Variants in EVL observed in about 807,000 individuals in gnomAD.
EVL encodes the protein Enah/Vasp-like.
In EVL, 21 loss-of-function variants were observed where a neutral mutation model predicts 59.6. The ratio of observed to expected loss-of-function variants is 0.35; its 90% CI spans 0.25 to 0.51. EVL has a LOEUF of 0.51. Ranked by LOEUF, EVL falls within the 20% of genes least tolerant of loss-of-function variation. The probability of loss-of-function intolerance (pLI) is 0.97; values close to 1 mark genes in which losing one functional copy is unlikely to be tolerated. For missense variants in EVL, 462 were observed against 546.6 expected, an observed-to-expected ratio of 0.85 and a Z score of 1.54; for synonymous variants, 198 against 203.5, an observed-to-expected ratio of 0.97 and a Z score of 0.23.
At chr14:100,027,735 C>T (rs1454706596) in intron 1 of EVL, among the ~76,000 whole-genome samples, 2 of 152,072 alleles carry the variant, frequency 1.3e-5, no homozygotes, top group East Asian at 1.9e-4. Flanking sequence ...AGTGCAGTGG[C>T]ATGATCTCAG....
intron 1 of EVL, among the ~76,000 whole-genome samples, chr14:100,076,278 G>A (rs1023943031): frequency 1.3e-5 from 2 of 152,184 alleles, no homozygotes; most frequent in Non-Finnish European, 2.9e-5. Flanking sequence ...GTGCTGGGCC[G>A]TTTGTGGGCA....
intron 1 of EVL, among the ~76,000 whole-genome samples, chr14:100,079,601 C>A (rs1277768924): frequency 6.6e-6 from 1 of 152,184 alleles, no homozygotes; most frequent in Non-Finnish European, 1.5e-5. Context: ...CCAAGTTCAA[C>A]CCTGCACTCA....
rs1174552146 is a variant in EVL at position 100,099,101 on chromosome 14, G to GAGAGACCA, written c.358+1446_358+1453dup. Among the ~76,000 whole-genome samples, 5 of 146,704 alleles carry GAGAGACCA rather than the reference G, an allele frequency of 3.4e-5. No individual in the cohort carries two copies. In the South Asian group the frequency reaches 1.1e-3, roughly 31 times the overall value. ...CTCAGGCCTATAATCCTAACACTTT[G>GAGAGACCA]AGAGACCAAGGCAGAAGGATCACTT... is the stretch of plus-strand genomic sequence containing the variant. On this transcript the variant is annotated intron_variant, in intron 3 of 13. Transcript: ENST00000392920.
Position 100,128,683 on chromosome 14 carries a change from G to T in EVL, c.652G>T (p.Asp218Tyr). ...CGGAGGAGCCCAGGGGTCCAGCCAC[G>T]ACGAGAGCTCCATGTCAGGACTGGC... ...PAGGAQGSSHDESSMSGLAAA... is the reference protein window; with the variant it reads ...PAGGAQGSSHYESSMSGLAAA... Residue 218 changes from aspartate to tyrosine, a missense_variant, in exon 6 of 14, where the codon GAC (aspartate) becomes TAC (tyrosine). Coordinates refer to ENST00000392920, the MANE Select transcript of EVL (RefSeq NM_016337.3). The T allele has an allele frequency of 6.7e-7, 1 of 1,485,752 alleles. No homozygotes were observed. The allele number at this position is 1,485,752 out of a possible 1,614,324, so 92.0% of individuals were successfully genotyped here. A position where few individuals can be genotyped will look rare whatever the true frequency, so the allele number is the denominator to read the frequency against.
intron 4 of EVL, among the ~76,000 whole-genome samples, chr14:100,124,557 C>T (rs896663403): frequency 6.6e-6 from 1 of 152,190 alleles, no homozygotes; most frequent in Non-Finnish European, 1.5e-5. Flanking sequence ...CATGAGCCAG[C>T]TGAAGCCGAG....
intron 4 of EVL, among the ~76,000 whole-genome samples, chr14:100,125,657 G>A (rs1041408763): frequency 4.0e-5 from 6 of 151,880 alleles, no homozygotes; most frequent in Non-Finnish European, 7.4e-5. Flanking sequence ...CTGGGTTCAA[G>A]AGATTCTTCT....
rs1275714134 is a variant in EVL at position 100,127,182 on chromosome 14, C to T, written c.487+411C>T. On this transcript the variant is annotated intron_variant, in intron 5 of 13. Coordinates refer to ENST00000392920, the MANE Select transcript of EVL (RefSeq NM_016337.3). This position sits in a 1 kb window ranked among gnomAD's most constrained non-coding sequence, Gnocchi z 4.2. Reference sequence around the variant, plus strand: ...GCAAGTGACGTGCAGGTGCTGAAGGCCTACCTTGGGTCAGGAAGACTTCCC... The same window carrying T: ...GCAAGTGACGTGCAGGTGCTGAAGGTCTACCTTGGGTCAGGAAGACTTCCC... Among the ~76,000 whole-genome samples the T allele has an allele frequency of 6.6e-6, 1 of 152,216 alleles. No individual in the cohort carries two copies. The highest frequency in any genetic ancestry group is 1.5e-5 in the Non-Finnish European group (1 of 68,040).
At chr14:100,045,083 G>T (rs1033860680) in intron 1 of EVL, among the ~76,000 whole-genome samples, 2 of 152,230 alleles carry the variant, frequency 1.3e-5, no homozygotes, top group African/African-American at 4.8e-5. Flanking sequence ...GCCTGATGAT[G>T]TAGTTAAGGC....
At chr14:100,092,335 T>C (rs981375029) in intron 2 of EVL, among the ~76,000 whole-genome samples, 1 of 152,216 alleles carries the variant, frequency 6.6e-6, no homozygotes, top group Admixed American at 6.5e-5. Flanking sequence ...TATGAAAATG[T>C]TCATAACAGT....
At chr14:100,061,297 C>T (rs1213870666), upstream of EVL, among the ~76,000 whole-genome samples, 1 of 149,922 alleles carries the variant, frequency 6.7e-6, no homozygotes, top group Non-Finnish European at 1.5e-5. Flanking sequence ...TGTCCTTAGT[C>T]CCAGCTACTC....
At chr14:100,079,784 G>A (rs1030564704) in intron 1 of EVL, among the ~76,000 whole-genome samples, 1 of 152,120 alleles carries the variant, frequency 6.6e-6, no homozygotes, top group African/African-American at 2.4e-5. Flanking sequence ...CACAGGGAGT[G>A]GGGGAGCAAG....
At chr14:100,119,270 C>A (rs879418341) in intron 3 of EVL, among the ~76,000 whole-genome samples, 10 of 152,168 alleles carry the variant, frequency 6.6e-5, no homozygotes, top group Admixed American at 3.3e-4. Context: ...TTTGACTTGA[C>A]AAAATTTGTC....
At chr14:100,117,789 A>G (rs1887444414) in intron 3 of EVL, among the ~76,000 whole-genome samples, 4 of 152,016 alleles carry the variant, frequency 2.6e-5, no homozygotes, top group Admixed American at 2.6e-4. Context: ...ATGGTGTGTC[A>G]CTCACTGATA....
chr14:100,092,970 C>A (rs904827840), intron 2 of EVL, among the ~76,000 whole-genome samples: 1 of 152,214 alleles, frequency 6.6e-6, no homozygotes, highest in Non-Finnish European at 1.5e-5. Context: ...CTAAATGAAG[C>A]AGCCTCACCC....
At chr14:100,051,935 A>G (rs1387590375) in intron 1 of EVL, among the ~76,000 whole-genome samples, 2 of 152,224 alleles carry the variant, frequency 1.3e-5, no homozygotes, top group Non-Finnish European at 2.9e-5. Flanking sequence ...TCCACATTTT[A>G]CGATCTTCCT....
chr14:100,065,211 G>A (rs992386150), upstream of EVL: 3 of 199,184 alleles, frequency 1.5e-5, no homozygotes, highest in African/African-American at 7.0e-5. Context: ...GAGGCTTGAG[G>A]TTGCCAGCTG....
chr14:100,085,915 C>G (rs2062430828), intron 2 of EVL, among the ~76,000 whole-genome samples: 1 of 152,130 alleles, frequency 6.6e-6, no homozygotes. Flanking sequence ...ATTACAAGGT[C>G]AGGAGTTCAA....
At position 100,137,742 on chromosome 14, in the gene EVL, C is replaced by A. The variant is rs1181147600; in HGVS notation, c.1034C>A (p.Thr345Asn). The change falls in exon 11 of 14, where the codon ACC (threonine) becomes AAC (asparagine). Residue 345 changes from threonine (T) to asparagine (N), a missense_variant and splice_region_variant. By Grantham distance (65) the Thr-to-Asn change is moderately conservative. Transcript: ENST00000392920. The stretch of plus-strand genomic sequence containing the variant: ...TCTGTTTCATTCCATTGCCGTAGAA[C>A]CCCGTCTGTGGCAAAGAGCCCCGAA... ...EKPVSSILSR[T>N]PSVAKSPEAK... 1 of 1,614,106 alleles carries A rather than the reference C, an allele frequency of 6.2e-7. No homozygotes were observed. The highest frequency in any genetic ancestry group is 1.1e-5 in the South Asian group (1 of 91,084).
At chr14:100,028,985 G>A (rs2061267024) in intron 1 of EVL, among the ~76,000 whole-genome samples, 1 of 152,022 alleles carries the variant, frequency 6.6e-6, no homozygotes. Context: ...TATAGCAAAA[G>A]GACTATTTTG....
Sources: gnomAD v4.1 joint callset for allele counts (sites outside exome capture counted in the v4.1 genomes callset) on GRCh38, gnomAD v4.1.1 for gene constraint, Gnocchi (gnomAD v3.1) non-coding constraint, MANE v1.5 for transcripts, NCBI Gene and HGNC (gene_info 2026-07-23, HGNC 2026-07-21) for gene names.